The following GALNT13 variants were observed in gnomAD, a reference collection of about 807,000 sequenced individuals.
GALNT13 encodes UDP-GalNAc:polypeptide N-acetylgalactosaminyltransferase 13.
Under a neutral mutation model 64.2 loss-of-function variants are expected in GALNT13, and 28 were observed. That is an observed-to-expected ratio of 0.44 (90% CI 0.32 to 0.60). GALNT13 has a LOEUF of 0.60. GALNT13 is among the 20% of genes least tolerant of loss of function. GALNT13 has a pLI of 0.05. For synonymous variants in GALNT13, 214 were observed against 224.6 expected, an observed-to-expected ratio of 0.95 and a Z score of 0.42; for missense variants, 577 against 669.8, an observed-to-expected ratio of 0.86 and a Z score of 1.53.
the GALNT13 span, among the ~76,000 whole-genome samples, chr2:153,546,570 G>A: frequency 6.6e-6 from 1 of 152,162 alleles, no homozygotes; most frequent in Non-Finnish European, 1.5e-5. Context: ...TGTCAGACAA[G>A]ATTAGATGCT....
At chr2:154,357,710 T>G (rs1339881755) in intron 9 of GALNT13, among the ~76,000 whole-genome samples, 7 of 152,092 alleles carry the variant, frequency 4.6e-5, no homozygotes, top group Admixed American at 4.6e-4. Context: ...GGTCATTCAC[T>G]GGGATAGTCA....
chr2:154,404,753 G>T (rs1699450795), intron 10 of GALNT13, among the ~76,000 whole-genome samples: 1 of 152,122 alleles, frequency 6.6e-6, no homozygotes, highest in Non-Finnish European at 1.5e-5. Context: ...CAACTAGAGT[G>T]GGAGGAAAAG....
the GALNT13 span, among the ~76,000 whole-genome samples, chr2:153,373,765 A>G: frequency 5.3e-4 from 80 of 152,266 alleles, no homozygotes; most frequent in African/African-American, 1.8e-3. Flanking sequence ...AAAGATGGCA[A>G]CCATGATTCT....
At chr2:153,302,957 A>G in the GALNT13 span, among the ~76,000 whole-genome samples, 3 of 152,282 alleles carry the variant, frequency 2.0e-5, no homozygotes, top group South Asian at 2.1e-4. Context: ...GCTTTGTAGT[A>G]TATTTTGAAG....
the GALNT13 span, among the ~76,000 whole-genome samples, chr2:153,429,166 C>A: frequency 6.6e-6 from 1 of 152,094 alleles, no homozygotes; most frequent in African/African-American, 2.4e-5. Context: ...GGATTTCAAT[C>A]TGACAAAAGG....
At chr2:153,265,116 C>A in the GALNT13 span, among the ~76,000 whole-genome samples, 1 of 152,158 alleles carries the variant, frequency 6.6e-6, no homozygotes, top group Non-Finnish European at 1.5e-5. Flanking sequence ...CCTCCCAGAG[C>A]TGCAAGCTGT....
At chr2:153,951,557 G>C (rs1692183817) in intron 3 of GALNT13, among the ~76,000 whole-genome samples, 1 of 152,102 alleles carries the variant, frequency 6.6e-6, no homozygotes, top group South Asian at 2.1e-4. Context: ...AGGTGTAGGA[G>C]AGGGGAGTGT....
At chr2:153,650,920 A>G in the GALNT13 span, among the ~76,000 whole-genome samples, 1 of 152,168 alleles carries the variant, frequency 6.6e-6, no homozygotes, top group Admixed American at 6.6e-5. Context: ...TAAACCTGTA[A>G]CTTTGGGACT....
intron 2 of GALNT13, among the ~76,000 whole-genome samples, chr2:153,939,165 G>C (rs898695391): frequency 2.0e-5 from 3 of 152,182 alleles, no homozygotes; most frequent in African/African-American, 7.2e-5. Context: ...TTTTATATAG[G>C]CTGATAGGAA....
At chr2:153,534,333 C>CTTAATATTATCTTAA in the GALNT13 span, among the ~76,000 whole-genome samples, 1 of 151,874 alleles carries the variant, frequency 6.6e-6, no homozygotes, top group Non-Finnish European at 1.5e-5. Context: ...TTTTATAATC[C>CTTAATATTATCTTAA]TATGATTAGG....
the GALNT13 span, among the ~76,000 whole-genome samples, chr2:153,544,363 A>G: frequency 2.0e-5 from 3 of 152,144 alleles, no homozygotes; most frequent in Non-Finnish European, 4.4e-5. Context: ...CTTGCTAACA[A>G]CTCATGTCTG....
chr2:153,399,601 G>A, the GALNT13 span, among the ~76,000 whole-genome samples: 1 of 151,678 alleles, frequency 6.6e-6, no homozygotes, highest in Admixed American at 6.6e-5. Flanking sequence ...TTATTTCCTT[G>A]AGCAGTGGTT....
the GALNT13 span, among the ~76,000 whole-genome samples, chr2:153,552,575 C>CTTTTTTTTTTTTTTTT: frequency 1.4e-5 from 1 of 69,318 alleles, no homozygotes; most frequent in Non-Finnish European, 2.8e-5. Flanking sequence ...GCTTCTTCTT[C>CTTTTTTTTTTTTTTTT]TTTTTTTTTT....
At chr2:154,191,928 G>A (rs1378359530) in intron 4 of GALNT13, among the ~76,000 whole-genome samples, 1 of 152,166 alleles carries the variant, frequency 6.6e-6, no homozygotes, top group Non-Finnish European at 1.5e-5. Flanking sequence ...CTGTATCCCA[G>A]GGTTTCTTGC....
intron 7 of GALNT13, among the ~76,000 whole-genome samples, chr2:154,249,021 A>G (rs1436038796): frequency 6.6e-6 from 1 of 151,844 alleles, no homozygotes; most frequent in African/African-American, 2.4e-5. Flanking sequence ...CAAGCATATC[A>G]CCCCTGTATA....
the GALNT13 span, among the ~76,000 whole-genome samples, chr2:153,422,231 A>T: frequency 8.5e-5 from 13 of 152,372 alleles, no homozygotes; most frequent in South Asian, 4.1e-4. Flanking sequence ...TGCGTATATT[A>T]GGAAAGAAGA....
At chr2:154,067,794 G>A (rs1700545227) in intron 3 of GALNT13, among the ~76,000 whole-genome samples, 1 of 152,036 alleles carries the variant, frequency 6.6e-6, no homozygotes, top group Non-Finnish European at 1.5e-5. Context: ...AACTCTCCAA[G>A]ATGTTGGTCT....
At chr2:154,137,437 A>G (rs1683020198) in intron 3 of GALNT13, among the ~76,000 whole-genome samples, 1 of 152,114 alleles carries the variant, frequency 6.6e-6, no homozygotes, top group African/African-American at 2.4e-5. Context: ...CCTATTCTCC[A>G]CTAAGAAACT....
At chr2:154,215,941 T>C (rs565188371) in intron 4 of GALNT13, among the ~76,000 whole-genome samples, 3 of 152,176 alleles carry the variant, frequency 2.0e-5, no homozygotes, top group African/African-American at 7.2e-5. Flanking sequence ...CGAACTCTTA[T>C]ACATTTTGTA....
Sources: gnomAD v4.1 joint callset for allele counts (sites outside exome capture counted in the v4.1 genomes callset) on GRCh38, gnomAD v4.1.1 for gene constraint, MANE v1.5 for transcripts, NCBI Gene and HGNC (gene_info 2026-07-23, HGNC 2026-07-21) for gene names.